MCM3AP: variants seen among roughly 807,000 people sequenced by gnomAD.
MCM3AP encodes the protein germinal-center associated nuclear protein.
Under a neutral mutation model 184.1 loss-of-function variants are expected in MCM3AP, and 126 were observed. That is an observed-to-expected ratio of 0.68 (90% CI 0.59 to 0.79). MCM3AP has a LOEUF of 0.79. Among genes scored for constraint, MCM3AP ranks in the 30% least tolerant of loss-of-function variants. The pLI, the probability that MCM3AP is intolerant of heterozygous loss-of-function variation, is 0.00. For missense variants in MCM3AP, 2,496 were observed against 2,479.2 expected (o/e 1.01, Z -0.14); for synonymous variants, 1,002 against 979.3 (o/e 1.02, Z -0.43).
At chr21:46,252,317 T>C (rs1365803459) in intron 19 of MCM3AP, 7 of 152,174 alleles carry the variant, frequency 4.6e-5, no homozygotes, top group Non-Finnish European at 8.8e-5. Context: ...TTTTTACAGA[T>C]CAAATTTCTC....
chr21:46,272,997 G>GT lies in MCM3AP; in HGVS notation c.2197-169dup, dbSNP rs113954057. 0.078 allele frequency among the ~76,000 whole-genome samples: 11,404 copies of GT among 146,752 alleles called. 663 individuals are homozygous for GT. Among genetic ancestry groups the GT allele is most frequent in the African/African-American group, 0.16 (6,604 of 40,350 alleles). On this transcript the variant is annotated intron_variant, in intron 7 of 27. Coordinates refer to ENST00000291688, the MANE Select transcript of MCM3AP (RefSeq NM_003906.5). ...GACTTAAATAAAAGTCCTGGGGTTT[G>GT]TTTTTTTTTTTGAGACAGAAGCCAG...
At chr21:46,278,652 T>G (rs2081284318) in intron 4 of MCM3AP, among the ~76,000 whole-genome samples, 1 of 151,828 alleles carries the variant, frequency 6.6e-6, no homozygotes, top group African/African-American at 2.4e-5. Flanking sequence ...CTGCAAAAAG[T>G]CATGCTGCCC....
chr21:46,275,332 G>C lies in MCM3AP; in HGVS notation c.1859-7C>G. The C allele has an allele frequency of 1.2e-6, 2 of 1,610,694 alleles. No individual in the cohort carries two copies. Among genetic ancestry groups the C allele is most frequent in the African/African-American group, 1.3e-5 (1 of 74,850 alleles). On this transcript the variant is annotated splice_polypyrimidine_tract_variant and splice_region_variant and intron_variant, in intron 5 of 27. Transcript: ENST00000291688. Reference sequence around the variant, plus strand: ...TCGGTTCTCTTCACCCGAGCTAAATGACGTCAAGTAAAAGGTAAGAATGTA... The same window carrying C: ...TCGGTTCTCTTCACCCGAGCTAAATCACGTCAAGTAAAAGGTAAGAATGTA...
rs1431314923 is a variant in MCM3AP at position 46,284,998 on chromosome 21, A to G, written c.289T>C (p.Ser97Pro). Residue 97 changes from serine to proline, a missense_variant, in exon 1 of 28, where the codon TCT becomes CCT. Transcript: ENST00000291688. The part of the protein sequence containing the change: ...LEHTSTFVAT[S>P]GPSSSSVLGN... ...AGCACAGATGAACTTGAAGGCCCAGAGGTAGCCACAAAGGTGGAAGTGTGC... is the reference window on the plus strand; with the variant it reads ...AGCACAGATGAACTTGAAGGCCCAGGGGTAGCCACAAAGGTGGAAGTGTGC... 1.2e-6 allele frequency: 2 copies of G among 1,614,188 alleles called. No homozygotes were observed. The highest frequency in any genetic ancestry group is 8.5e-7 in the Non-Finnish European group (1 of 1,180,030).
Position 46,258,947 on chromosome 21 carries a change from A to G in MCM3AP, c.3726T>C (p.Tyr1242=), listed in dbSNP as rs554556422. The change falls in exon 16 of 28, where the codon TAT becomes TAC. Residue 1242 remains tyrosine (Y), a synonymous_variant. Transcript: ENST00000291688. ...AGGAACACAGGACTCACCGCTGTAG[A>G]TACTTGCAGAAGCACTGAAGCTCCT... ...TLQELQCFCK[Y]LQRWREAVTA... is the part of the protein sequence containing the mutation. 6.8e-5 allele frequency: 110 copies of G among 1,614,168 alleles called. 1 individual carries two copies. In the South Asian group the frequency reaches 1.0e-3, roughly 15 times the overall value.
At chr21:46,256,661 G>A (rs1239197921) in intron 17 of MCM3AP, 128 bp downstream of exon 17, 3 of 1,193,754 alleles carry the variant, frequency 2.5e-6, no homozygotes, top group Non-Finnish European at 3.4e-6. Context: ...TCGCCTCCAG[G>A]CTTCACCTAT....
chr21:46,256,284 G>A (rs1486424673), intron 17 of MCM3AP, among the ~76,000 whole-genome samples: 2 of 152,170 alleles, frequency 1.3e-5, no homozygotes, highest in African/African-American at 2.4e-5. Context: ...GGAGTGGCAG[G>A]GAGGACCAGG....
Position 46,265,462 on chromosome 21 carries a change from C to T in MCM3AP, c.3093G>A (p.Gln1031=), listed in dbSNP as rs903350186. Reference sequence around the variant, plus strand: ...GTGAGGGCGCAGGGGCTGGTAGAGACTGTGGGAGACTGGACAGGGGTGCAT... The same window carrying T: ...GTGAGGGCGCAGGGGCTGGTAGAGATTGTGGGAGACTGGACAGGGGTGCAT... ...EPDAPLSSLP[Q]SLPAPAPSPV... is the part of the protein sequence containing the mutation. The change falls in exon 12 of 28, where the codon CAG becomes CAA. Residue 1031 remains glutamine, a synonymous_variant. Transcript: ENST00000291688. 18 of 1,613,762 alleles carry T rather than the reference C, an allele frequency of 1.1e-5. No homozygotes were observed. The highest frequency in any genetic ancestry group is 1.5e-5 in the Non-Finnish European group (18 of 1,179,814).
At chr21:46,266,818 C>T in intron 10 of MCM3AP, 164 bp downstream of exon 10, 1 of 722,212 alleles carries the variant, frequency 1.4e-6, no homozygotes, top group African/African-American at 1.8e-5. Context: ...AGGATGTGAC[C>T]TTGGGAACAC....
chr21:46,268,240 A>T (rs1481465881), intron 9 of MCM3AP, among the ~76,000 whole-genome samples: 1 of 152,164 alleles, frequency 6.6e-6, no homozygotes, highest in Non-Finnish European at 1.5e-5. Flanking sequence ...TAGACAAAGG[A>T]AAAACATGAA....
intron 2 of MCM3AP, 138 bp downstream of exon 2, chr21:46,283,477 A>G: frequency 1.6e-6 from 1 of 624,652 alleles, no homozygotes; most frequent in Non-Finnish European, 2.8e-6. Flanking sequence ...GTGCTATCCC[A>G]GCCTATGCTA....
At position 46,254,827 on chromosome 21, in the gene MCM3AP, T is replaced by C; in HGVS notation, c.3950A>G (p.Asn1317Ser). ...AACCTTCATCTGGTGAGCTGTCTTG[T>C]TTCTGAGCCGCCTTAACCTGCAAAG... ...ISCTRLRRLR[N>S]KTAHQMKVQH... The change falls in exon 18 of 28, where the codon AAC becomes AGC. Residue 1317 changes from asparagine (N) to serine (S), a missense_variant. Around this residue, in one of 5 missense-constraint regions of MCM3AP, gnomAD observed 1,323 missense variants for 1,273.4 expected, o/e 1.04. Coordinates refer to ENST00000291688, the MANE Select transcript of MCM3AP (RefSeq NM_003906.5). 6.2e-7 allele frequency: 1 copy of C among 1,614,102 alleles called. No individual in the cohort carries two copies. The highest frequency in any genetic ancestry group is 8.5e-7 in the Non-Finnish European group (1 of 1,180,000).
At chr21:46,268,846 T>TCAGCCTGGC (rs2081144942) in intron 9 of MCM3AP, among the ~76,000 whole-genome samples, 1 of 152,116 alleles carries the variant, frequency 6.6e-6, no homozygotes, top group Non-Finnish European at 1.5e-5. Flanking sequence ...GAGTTCGAGA[T>TCAGCCTGGC]CAGCCTGGCC....
rs1424079674 is a variant in MCM3AP, at chr21:46,244,489, C to A, written c.5038+318G>T. 2.7e-5 allele frequency: 10 copies of A among 364,160 alleles called. No individual in the cohort carries two copies. The East Asian group carries it at 5.0e-4, about 18-fold the overall frequency. 22.6% of individuals were successfully genotyped at this position (364,160 alleles called of 1,614,324 possible). A position where few individuals can be genotyped will look rare whatever the true frequency, so the allele number is the denominator to read the frequency against. Reference sequence around the variant, plus strand: ...GTTCTGAAAACAGGGACCCTGTGGGCAGGCAGGACAGGATCAGGGTTGGTG... The same window carrying A: ...GTTCTGAAAACAGGGACCCTGTGGGAAGGCAGGACAGGATCAGGGTTGGTG... On this transcript the variant is annotated intron_variant, in intron 23 of 27. Coordinates refer to ENST00000291688, the MANE Select transcript of MCM3AP (RefSeq NM_003906.5).
chr21:46,237,190 C>T (rs1028199187), intron 26 of MCM3AP, among the ~76,000 whole-genome samples: 6 of 150,700 alleles, frequency 4.0e-5, no homozygotes, highest in Admixed American at 3.3e-4. Context: ...CAACCTCTGC[C>T]TCCCAGGTTC....
chr21:46,246,333 T>G lies in MCM3AP; in HGVS notation c.4621A>C (p.Ile1541Leu), dbSNP rs1308947834. ...DYTVTEIPDT[I>L]NDLQGSTKVL... ...TTAGTTGAACCTTGTAGATCATTAA[T>G]GGTATCAGGGATCTCGGTAACAGTG... Residue 1541 changes from isoleucine to leucine, a missense_variant, in exon 22 of 28, where the codon ATT becomes CTT. Transcript: ENST00000291688. The G allele has an allele frequency of 4.3e-6, 7 of 1,610,392 alleles. No homozygotes were observed. In the South Asian group the frequency reaches 5.5e-5, roughly 13 times the overall value.
intron 9 of MCM3AP, among the ~76,000 whole-genome samples, chr21:46,269,894 C>T (rs922118460): frequency 6.6e-6 from 1 of 152,180 alleles, no homozygotes; most frequent in Non-Finnish European, 1.5e-5. Context: ...GACTGGAAAC[C>T]CCAAGACACA....
chr21:46,243,525 C>A lies in MCM3AP; in HGVS notation c.5236G>T (p.Ala1746Ser). The change falls in exon 24 of 28, where the codon GCC becomes TCC. Residue 1746 changes from alanine to serine, a missense_variant. Transcript: ENST00000291688. ...CTCAGCTTGTGGTTGATACACAAGG[C>A]GATAAGATCATCCCATGGGATCTCC... ...VMEIPWDDLI[A>S]LCINHKLRDW... The A allele has an allele frequency of 6.2e-7, 1 of 1,614,134 alleles. No homozygotes were observed. Among genetic ancestry groups the A allele is most frequent in the Non-Finnish European group, 8.5e-7 (1 of 1,180,008 alleles).
intron 5 of MCM3AP, among the ~76,000 whole-genome samples, chr21:46,276,829 G>A (rs1019509474): frequency 1.3e-5 from 2 of 149,272 alleles, no homozygotes; most frequent in East Asian, 2.0e-4. Flanking sequence ...CCTCCACCTC[G>A]CCAGTTCAAG....
Sources: allele counts gnomAD v4.1 joint callset (sites outside exome capture counted in the v4.1 genomes callset), GRCh38; gene constraint gnomAD v4.1.1; regional missense constraint gnomAD v4.1.1; transcripts MANE v1.5; gene names NCBI Gene and HGNC (gene_info 2026-07-23, HGNC 2026-07-21).